SLC39A14: variants seen among roughly 807,000 people sequenced by gnomAD.
SLC39A14 encodes the protein solute carrier family 39 member 14.
A neutral mutation model predicts 45.5 loss-of-function variants in SLC39A14; 19 were observed. The observed-to-expected ratio is 0.42, with a 90% CI of 0.29 to 0.61. SLC39A14 has a LOEUF of 0.61. Among genes scored for constraint, SLC39A14 ranks in the 20% least tolerant of loss-of-function variants. The pLI is 0.22. For synonymous variants in SLC39A14, 264 were observed against 251.3 expected, an observed-to-expected ratio of 1.05 and a Z score of -0.48; for missense variants, 447 against 616.5, an observed-to-expected ratio of 0.73 and a Z score of 2.91.
chr8:22,375,888 TC>T (rs1833189024), intron 1 of SLC39A14, among the ~76,000 whole-genome samples: 1 of 152,208 alleles, frequency 6.6e-6, no homozygotes, highest in African/African-American at 2.4e-5. Context: ...ATAGCAGAAT[TC>T]CTTTATATTC....
At chr8:22,371,378 A>G (rs1490602862) in intron 1 of SLC39A14, among the ~76,000 whole-genome samples, 1 of 150,242 alleles carries the variant, frequency 6.7e-6, no homozygotes, top group African/African-American at 2.4e-5. Context: ...AAAAAAAATC[A>G]GATAAAAGTT....
At chr8:22,410,131 A>T in intron 3 of SLC39A14, 1 of 1,613,846 alleles carries the variant, frequency 6.2e-7, no homozygotes, top group East Asian at 2.2e-5. Context: ...GTAGAACAGA[A>T]ACTTGCGCGT....
At chr8:22,430,063 A>C (rs1014962641) in intron 8 of SLC39A14, among the ~76,000 whole-genome samples, 1 of 152,222 alleles carries the variant, frequency 6.6e-6, no homozygotes, top group African/African-American at 2.4e-5. Flanking sequence ...ACTGCAGCAG[A>C]CATGAGGGAA....
chr8:22,405,117 G>A lies in SLC39A14; in HGVS notation c.270+137G>A, dbSNP rs10113026. On this transcript the variant is annotated intron_variant, in intron 2 of 8. Transcript: ENST00000381237. The stretch of plus-strand genomic sequence containing the variant: ...GGCAGACAAGTCTCGATGATAGAGT[G>A]GACAGGCTGATTCTTTCTCTCTCAT... 151,210 of 727,846 alleles carry A rather than the reference G, an allele frequency of 0.21. 19,457 individuals are homozygous for A. The highest frequency in any genetic ancestry group is 0.52 in the African/African-American group (29,305 of 55,910). The allele number at this position is 727,846 out of a possible 1,614,324, so 45.1% of individuals were successfully genotyped here.
At position 22,421,733 on chromosome 8, in the gene SLC39A14, T is replaced by C. The variant is rs978438535; in HGVS notation, c.*2035T>C. 20 of 984,520 alleles carry C rather than the reference T, an allele frequency of 2.0e-5. No homozygotes were observed. In the African/African-American group the frequency reaches 3.0e-4, roughly 15 times the overall value. 61.0% of individuals were successfully genotyped at this position (984,520 alleles called of 1,614,324 possible). A position where few individuals can be genotyped will look rare whatever the true frequency, so the allele number is the denominator to read the frequency against. Reference sequence around the variant, plus strand: ...TTATAATTTTAGCATTCCCAATAGATCCTATCATTCCTTAAACATAATACC... The same window carrying C: ...TTATAATTTTAGCATTCCCAATAGACCCTATCATTCCTTAAACATAATACC... On this transcript the variant is annotated 3_prime_UTR_variant, in exon 9 of 9. Coordinates refer to ENST00000381237, the MANE Select transcript of SLC39A14 (RefSeq NM_001128431.4).
At chr8:22,425,153 T>C (rs1836362900), downstream of SLC39A14, among the ~76,000 whole-genome samples, 1 of 152,172 alleles carries the variant, frequency 6.6e-6, no homozygotes, top group East Asian at 1.9e-4. Context: ...TGGTTTCGCT[T>C]ATGCTTTATT....
At chr8:22,425,883 G>GTTT (rs72023394), downstream of SLC39A14, among the ~76,000 whole-genome samples, 1 of 140,862 alleles carries the variant, frequency 7.1e-6, no homozygotes, top group Non-Finnish European at 1.5e-5. Context: ...GCTCTAGATG[G>GTTT]TTTTTGTTTT....
downstream of SLC39A14, among the ~76,000 whole-genome samples, chr8:22,423,545 C>A (rs1024977104): frequency 6.6e-6 from 1 of 152,082 alleles, no homozygotes; most frequent in Non-Finnish European, 1.5e-5. Context: ...CCGTGTTAGC[C>A]AGGATGGTCT....
Position 22,404,998 on chromosome 8 carries a change from G to A in SLC39A14, c.270+18G>A, listed in dbSNP as rs767298374. Reference sequence around the variant, plus strand: ...TCTCCACGGTAAGGCTCCCCTGTGAGCCAGCAGCTCTGCTCAGCCCCGTCT... The same window carrying A: ...TCTCCACGGTAAGGCTCCCCTGTGAACCAGCAGCTCTGCTCAGCCCCGTCT... On this transcript the variant is annotated intron_variant, in intron 2 of 8. Coordinates refer to ENST00000381237, the MANE Select transcript of SLC39A14 (RefSeq NM_001128431.4). The A allele has an allele frequency of 3.7e-6, 6 of 1,609,294 alleles. No individual in the cohort carries two copies. In the South Asian group the frequency reaches 6.6e-5, roughly 18 times the overall value.
At position 22,419,849 on chromosome 8, in the gene SLC39A14, T is replaced by TATAAA; in HGVS notation, c.*151_*152insATAAA. Reference sequence around the variant, plus strand: ...TTCCTGCATTCAAATGTCAGCCGTTTGTAAAATGCTGTATCCTAGGAATAA... The same window carrying TATAAA: ...TTCCTGCATTCAAATGTCAGCCGTTTATAAAGTAAAATGCTGTATCCTAGGAATAA... On this transcript the variant is annotated 3_prime_UTR_variant, in exon 9 of 9. Coordinates refer to ENST00000381237, the MANE Select transcript of SLC39A14 (RefSeq NM_001128431.4). 7.3e-7 allele frequency: 1 copy of TATAAA among 1,362,180 alleles called. No homozygotes were observed. The highest frequency in any genetic ancestry group is 9.4e-7 in the Non-Finnish European group (1 of 1,060,380). 84.4% of individuals were successfully genotyped at this position (1,362,180 alleles called of 1,614,324 possible).
At chr8:22,403,688 G>A (rs921782305) in intron 1 of SLC39A14, among the ~76,000 whole-genome samples, 1 of 151,840 alleles carries the variant, frequency 6.6e-6, no homozygotes. Context: ...GGAGGCCGAG[G>A]TGGGTGGATC....
chr8:22,428,628 A>G (rs1315165895), intron 8 of SLC39A14, among the ~76,000 whole-genome samples: 2 of 151,684 alleles, frequency 1.3e-5, no homozygotes, highest in Non-Finnish European at 2.9e-5. Context: ...TTTTTGGTAG[A>G]GACAGGGTTT....
chr8:22,428,506 G>A (rs867127779), intron 8 of SLC39A14, among the ~76,000 whole-genome samples: 4 of 140,262 alleles, frequency 2.9e-5, no homozygotes, highest in Middle Eastern at 3.7e-3. Flanking sequence ...GCCGTGGTAC[G>A]ATCTCAGCTC....
rs913377866 is a variant in SLC39A14, at chr8:22,402,859, G to A, written c.-15-1837G>A. The stretch of plus-strand genomic sequence containing the variant: ...TTTATATTCTCAATACTATAGAGAG[G>A]CTGTTTTTTATGTTTGTTTACTAAT... On this transcript the variant is annotated intron_variant, in intron 1 of 8. Coordinates refer to ENST00000381237, the MANE Select transcript of SLC39A14 (RefSeq NM_001128431.4). Among the ~76,000 whole-genome samples, 113 of 152,230 alleles carry A rather than the reference G, an allele frequency of 7.4e-4. 1 individual carries two copies. Among genetic ancestry groups the A allele is most frequent in the African/African-American group, 2.4e-3 (101 of 41,538 alleles).
In SLC39A14 at chr8:22,421,693, A is replaced by G; in HGVS notation, c.*1995A>G. 1 of 984,734 alleles carries G rather than the reference A, an allele frequency of 1.0e-6. No homozygotes were observed. Among genetic ancestry groups the G allele is most frequent in the Non-Finnish European group, 1.2e-6 (1 of 828,892 alleles). 61.0% of individuals were successfully genotyped at this position (984,734 alleles called of 1,614,324 possible). On this transcript the variant is annotated 3_prime_UTR_variant, in exon 9 of 9. Coordinates refer to ENST00000381237, the MANE Select transcript of SLC39A14 (RefSeq NM_001128431.4). The stretch of plus-strand genomic sequence containing the variant: ...AAGATTTTGCTTTAACCTAACTCGC[A>G]TTGATGTATTAAATTTATAATTTTA...
intron 8 of SLC39A14, among the ~76,000 whole-genome samples, chr8:22,429,425 C>A (rs1466786800): frequency 6.6e-6 from 1 of 152,132 alleles, no homozygotes; most frequent in Non-Finnish European, 1.5e-5. Flanking sequence ...TTTTATACTG[C>A]CTACCTTATA....
chr8:22,373,012 C>T (rs1833015059), intron 1 of SLC39A14, among the ~76,000 whole-genome samples: 1 of 151,890 alleles, frequency 6.6e-6, no homozygotes, highest in South Asian at 2.1e-4. Context: ...ACCTATAATC[C>T]CAGCATGTTG....
Position 22,421,010 on chromosome 8 carries a change from G to C in SLC39A14, c.*1312G>C, listed in dbSNP as rs1263719033. On this transcript the variant is annotated 3_prime_UTR_variant, in exon 9 of 9. Transcript: ENST00000381237. Reference sequence around the variant, plus strand: ...CTGTAGGCCAGCCTTAGCCACTGTGGAGCCCTTGCCTCCGAGCTCTGGCTT... The same window carrying C: ...CTGTAGGCCAGCCTTAGCCACTGTGCAGCCCTTGCCTCCGAGCTCTGGCTT... 1 of 985,752 alleles carries C rather than the reference G, an allele frequency of 1.0e-6. No individual in the cohort carries two copies. The highest frequency in any genetic ancestry group is 1.2e-6 in the Non-Finnish European group (1 of 829,942). 61.1% of individuals were successfully genotyped at this position (985,752 alleles called of 1,614,324 possible).
chr8:22,394,010 G>GTT (rs35225179), intron 1 of SLC39A14, among the ~76,000 whole-genome samples: 688 of 138,162 alleles, frequency 5.0e-3, no homozygotes, highest in Non-Finnish European at 7.3e-3. Context: ...CTGAAGGGGT[G>GTT]TTTTTTTTTT....
Sources: gnomAD v4.1 joint callset for allele counts (sites outside exome capture counted in the v4.1 genomes callset) on GRCh38, gnomAD v4.1.1 for gene constraint, MANE v1.5 for transcripts, NCBI Gene and HGNC (gene_info 2026-07-23, HGNC 2026-07-21) for gene names.